The following USP31 variants were observed in gnomAD, a reference collection of about 807,000 sequenced individuals.
USP31 encodes ubiquitin specific peptidase 31, also known as ubiquitin carboxyl-terminal hydrolase 31.
A neutral mutation model predicts 119.4 loss-of-function variants in USP31; 44 were observed. The observed-to-expected ratio is 0.37, with a 90% CI of 0.29 to 0.47. The LOEUF is 0.47. Ranked by LOEUF, USP31 falls within the 20% of genes least tolerant of loss-of-function variation. The pLI is 0.99. For missense variants in USP31, 1,643 were observed against 1,730.2 expected, an observed-to-expected ratio of 0.95 and a Z score of 0.89; for synonymous variants, 749 against 705.6, an observed-to-expected ratio of 1.06 and a Z score of -0.97.
intron 6 of USP31, among the ~76,000 whole-genome samples, chr16:23,094,848 T>C (rs1901532031): frequency 1.3e-5 from 2 of 152,146 alleles, no homozygotes. Flanking sequence ...ACCCCATCTG[T>C]AGGTTACCAA....
In USP31 at chr16:23,090,727, CTGTT is replaced by C; in HGVS notation, c.1308_1311del (p.Thr437GlnfsTer44). 1 of 1,614,046 alleles carries C rather than the reference CTGTT, an allele frequency of 6.2e-7. No homozygotes were observed. Among genetic ancestry groups the C allele is most frequent in the Non-Finnish European group, 8.5e-7 (1 of 1,179,966 alleles). On this transcript the variant is annotated frameshift_variant, in exon 7 of 16. Transcript: ENST00000219689. LOFTEE classifies it high-confidence loss of function. ...GAATCCATTTTCCCCTGCTTTGCTGCTGTTTGTGTAGGAGAAGACAGTCTATGAT... is the reference window on the plus strand; with the variant it reads ...GAATCCATTTTCCCCTGCTTTGCTGCTGTGTAGGAGAAGACAGTCTATGAT...
chr16:23,147,800 G>T (rs1903565832), intron 1 of USP31, among the ~76,000 whole-genome samples: 1 of 152,164 alleles, frequency 6.6e-6, no homozygotes, highest in Admixed American at 6.5e-5. Context: ...AGGTAGGTAT[G>T]GTGGTGTGTG....
rs1170542197 is a variant in USP31 at position 23,149,023 on chromosome 16, G to A, written c.248C>T (p.Ala83Val). ...GCGGAGGCCGCCGCGGTCTGGGGCGGCGCCCTCAGAGCTAAGGTGCGAGAG... is the reference window on the plus strand; with the variant it reads ...GCGGAGGCCGCCGCGGTCTGGGGCGACGCCCTCAGAGCTAAGGTGCGAGAG... Reference protein sequence around the residue: ...STLSHLSSEGAAPDRGGLRSC... With the variant: ...STLSHLSSEGVAPDRGGLRSC... Residue 83 changes from alanine to valine, a missense_variant, in exon 1 of 16, where the codon GCC becomes GTC. By Grantham distance (64) the Ala-to-Val change is moderately conservative (BLOSUM62 0). This residue lies in a region of USP31 where 302 missense variants were observed against 262.6 expected (regional missense o/e 1.15). Coordinates refer to ENST00000219689, the MANE Select transcript of USP31 (RefSeq NM_020718.4). 3 of 1,168,414 alleles carry A rather than the reference G, an allele frequency of 2.6e-6. No individual in the cohort carries two copies. Among genetic ancestry groups the A allele is most frequent in the African/African-American group, 1.6e-5 (1 of 60,874 alleles). 72.4% of individuals were successfully genotyped at this position (1,168,414 alleles called of 1,614,324 possible). A position where few individuals can be genotyped will look rare whatever the true frequency, so the allele number is the denominator to read the frequency against.
chr16:23,141,781 A>C (rs1903360078), intron 1 of USP31, among the ~76,000 whole-genome samples: 1 of 152,222 alleles, frequency 6.6e-6, no homozygotes, highest in African/African-American at 2.4e-5. Context: ...GGCCTTTTAC[A>C]ATTTTTTTAC....
Position 23,076,278 on chromosome 16 carries a change from A to C in USP31, c.2177-2398T>G, listed in dbSNP as rs998959772. Among the ~76,000 whole-genome samples the C allele has an allele frequency of 2.0e-5, 3 of 151,632 alleles. No homozygotes were observed. In the East Asian group the frequency reaches 5.8e-4, roughly 29 times the overall value. On this transcript the variant is annotated intron_variant, in intron 13 of 15. Transcript: ENST00000219689. Reference sequence around the variant, plus strand: ...CCTGAACACGTACACCTGAACTTAAAAGTTGATGTTAAAAAAAAAAAAAAA... The same window carrying C: ...CCTGAACACGTACACCTGAACTTAACAGTTGATGTTAAAAAAAAAAAAAAA...
At position 23,063,383 on chromosome 16, in the gene USP31, C is replaced by T. The variant is rs970279263; in HGVS notation, c.*4663G>A. 1 of 152,580 alleles carries T rather than the reference C, an allele frequency of 6.6e-6. No individual in the cohort carries two copies. Among genetic ancestry groups the T allele is most frequent in the African/African-American group, 2.4e-5 (1 of 41,438 alleles). The allele number at this position is 152,580 out of a possible 1,614,324, so 9.5% of individuals were successfully genotyped here. A position where few individuals can be genotyped will look rare whatever the true frequency, so the allele number is the denominator to read the frequency against. Reference sequence around the variant, plus strand: ...TAGCTCTAAGTCTCTATAAAAGCATCTTTTAATTCTTAGCACTATTAGAAG... The same window carrying T: ...TAGCTCTAAGTCTCTATAAAAGCATTTTTTAATTCTTAGCACTATTAGAAG... On this transcript the variant is annotated 3_prime_UTR_variant, in exon 16 of 16. Coordinates refer to ENST00000219689, the MANE Select transcript of USP31 (RefSeq NM_020718.4).
chr16:23,134,122 CAA>C (rs1903114170), intron 1 of USP31, among the ~76,000 whole-genome samples: 1 of 137,538 alleles, frequency 7.3e-6, no homozygotes, highest in African/African-American at 2.7e-5. Flanking sequence ...CACACACACA[CAA>C]ATCGAACAGA....
At chr16:23,083,185 T>A (rs1459879061) in intron 11 of USP31, among the ~76,000 whole-genome samples, 1 of 152,146 alleles carries the variant, frequency 6.6e-6, no homozygotes, top group Admixed American at 6.5e-5. Context: ...TATTTAGTGA[T>A]CAAGACAGAT....
intron 15 of USP31, among the ~76,000 whole-genome samples, chr16:23,070,641 T>C (rs1417458500): frequency 1.3e-5 from 2 of 151,094 alleles, no homozygotes; most frequent in South Asian, 2.1e-4. Flanking sequence ...GTGAACCTGG[T>C]AGGCGGAGCT....
intron 1 of USP31, among the ~76,000 whole-genome samples, chr16:23,139,221 G>A (rs1397891213): frequency 6.6e-6 from 1 of 152,126 alleles, no homozygotes; most frequent in South Asian, 2.1e-4. Context: ...TGGCCAACAT[G>A]GTGAAACCCC....
At chr16:23,094,403 C>T (rs1366655545) in intron 6 of USP31, among the ~76,000 whole-genome samples, 1 of 152,220 alleles carries the variant, frequency 6.6e-6, no homozygotes, top group African/African-American at 2.4e-5. Context: ...CTATAGACTC[C>T]ACCTCTGTGG....
chr16:23,119,042 G>C (rs1902584485), intron 1 of USP31, among the ~76,000 whole-genome samples: 1 of 151,170 alleles, frequency 6.6e-6, no homozygotes, highest in African/African-American at 2.4e-5. Flanking sequence ...CTTATTTATA[G>C]ATGAAAAAAC....
At chr16:23,087,519 T>C (rs1443100103) in intron 8 of USP31, among the ~76,000 whole-genome samples, 2 of 152,234 alleles carry the variant, frequency 1.3e-5, no homozygotes, top group African/African-American at 2.4e-5. Context: ...AAGCTGATCA[T>C]GTATTGAACG....
At chr16:23,140,041 G>A (rs949560785) in intron 1 of USP31, among the ~76,000 whole-genome samples, 4 of 151,666 alleles carry the variant, frequency 2.6e-5, no homozygotes, top group Non-Finnish European at 4.4e-5. Flanking sequence ...TTGTTTTCTC[G>A]CTGTATTTAT....
intron 1 of USP31, among the ~76,000 whole-genome samples, chr16:23,148,085 AT>A (rs1173431647): frequency 2.6e-5 from 4 of 152,248 alleles, no homozygotes; most frequent in African/African-American, 7.2e-5. Flanking sequence ...ATATGGAAGT[AT>A]TTTACTTATC....
intron 14 of USP31, chr16:23,072,431 T>C (rs770760845): frequency 3.2e-4 from 199 of 616,188 alleles, no homozygotes; most frequent in Non-Finnish European, 4.8e-4. Context: ...AGTAATAAAA[T>C]GCAAGGATAG....
intron 12 of USP31, among the ~76,000 whole-genome samples, chr16:23,080,507 AG>A (rs1900773274): frequency 6.6e-6 from 1 of 152,174 alleles, no homozygotes; most frequent in Admixed American, 6.5e-5. Context: ...TCTGTCAAAG[AG>A]ACATGAAAAC....
intron 6 of USP31, among the ~76,000 whole-genome samples, chr16:23,101,096 G>A (rs1403416704): frequency 6.6e-6 from 1 of 152,174 alleles, no homozygotes; most frequent in Non-Finnish European, 1.5e-5. Flanking sequence ...CATGTAACAT[G>A]ATCAGAACTG....
intron 1 of USP31, among the ~76,000 whole-genome samples, chr16:23,130,907 T>C (rs1903010551): frequency 6.6e-6 from 1 of 152,210 alleles, no homozygotes; most frequent in Non-Finnish European, 1.5e-5. Context: ...CATTTTTGGA[T>C]CCAAATGCAA....
Sources: gnomAD v4.1 joint callset for allele counts (sites outside exome capture counted in the v4.1 genomes callset) on GRCh38, gnomAD v4.1.1 for gene constraint, gnomAD v4.1.1 regional missense constraint, MANE v1.5 for transcripts, NCBI Gene and HGNC (gene_info 2026-07-23, HGNC 2026-07-21) for gene names.